UNK: variants seen among roughly 807,000 people sequenced by gnomAD.
UNK encodes the protein RING finger protein unkempt homolog.
Under a neutral mutation model 97.6 loss-of-function variants are expected in UNK, and 32 were observed. The ratio of observed to expected loss-of-function variants is 0.33; its 90% confidence interval spans 0.25 to 0.44. The LOEUF (loss-of-function observed/expected upper bound fraction) is 0.44, where lower values mean the gene tolerates loss of function less well. Ranked by LOEUF, UNK falls within the 20% of genes least tolerant of loss-of-function variation. UNK has a pLI of 1.00. For synonymous variants in UNK, 441 were observed against 461.2 expected (o/e 0.96, Z 0.56); for missense variants, 771 against 1,098.4 (o/e 0.70, Z 4.21).
chr17:75,813,362 G>A (rs964283290), intron 5 of UNK, 149 bp downstream of exon 5: 76 of 1,178,906 alleles, frequency 6.4e-5, no homozygotes, highest in South Asian at 4.8e-5. Context: ...GGAGGGCATA[G>A]TGAGGATAGC....
chr17:75,803,048 G>A (rs1014989483), intron 1 of UNK, among the ~76,000 whole-genome samples: 1 of 76,206 alleles, frequency 1.3e-5, no homozygotes, highest in African/African-American at 2.0e-4. Flanking sequence ...GGATCACGAG[G>A]TCAGGAGATT....
chr17:75,797,014 A>G (rs950420936), intron 1 of UNK, among the ~76,000 whole-genome samples: 2 of 152,204 alleles, frequency 1.3e-5, no homozygotes, highest in African/African-American at 4.8e-5. Context: ...CATGGAAAGC[A>G]GGAGATTATA....
intron 1 of UNK, among the ~76,000 whole-genome samples, chr17:75,799,241 G>A (rs542265632): frequency 2.0e-5 from 3 of 152,284 alleles, no homozygotes; most frequent in East Asian, 3.9e-4. Context: ...GAGCCTGGGA[G>A]GCTGCAGTGA....
chr17:75,796,893 T>C (rs1039250783), intron 1 of UNK, among the ~76,000 whole-genome samples: 3 of 152,180 alleles, frequency 2.0e-5, no homozygotes, highest in Admixed American at 1.3e-4. Context: ...AAACATACTT[T>C]ATTCTTAAAC....
intron 14 of UNK, 96 bp downstream of exon 14, chr17:75,822,754 G>A: frequency 2.2e-6 from 3 of 1,368,726 alleles, no homozygotes; most frequent in Non-Finnish European, 2.9e-6. Context: ...GGGGAAAGCG[G>A]GGGCTGGAAG....
In UNK at chr17:75,819,802, G is replaced by A; in HGVS notation, c.1648+17G>A. ...TCACCATCGGTACTGGGTGTGGGTG[G>A]GCAGGGCAGCCTGGAGGACTCCTCG... On this transcript the variant is annotated intron_variant, in intron 12 of 15. Coordinates refer to ENST00000589666, the MANE Select transcript of UNK (RefSeq NM_001080419.3). This position sits in a 1 kb window ranked among gnomAD's most constrained non-coding sequence, Gnocchi z 5.4. 1 of 1,613,518 alleles carries A rather than the reference G, an allele frequency of 6.2e-7. No homozygotes were observed. The highest frequency in any genetic ancestry group is 8.5e-7 in the Non-Finnish European group (1 of 1,179,774).
intron 5 of UNK, 61 bp from the exon 6 acceptor site, chr17:75,813,700 C>T (rs1375652308): frequency 4.1e-6 from 6 of 1,451,964 alleles, no homozygotes; most frequent in Non-Finnish European, 5.6e-6. Context: ...CAGGTGGCAC[C>T]TGCTAGGCTC....
Position 75,824,134 on chromosome 17 carries a change from G to A in UNK, c.2278-128G>A, listed in dbSNP as rs1599396115. 1 of 1,176,562 alleles carries A rather than the reference G, an allele frequency of 8.5e-7. No individual in the cohort carries two copies. Among genetic ancestry groups the A allele is most frequent in the African/African-American group, 1.6e-5 (1 of 61,788 alleles). The allele number at this position is 1,176,562 out of a possible 1,614,324, so 72.9% of individuals were successfully genotyped here. On this transcript the variant is annotated intron_variant, in intron 15 of 15. Transcript: ENST00000589666. This position sits in a 1 kb window ranked among gnomAD's most constrained non-coding sequence, Gnocchi z 4.9. ...CTCTCACCTGCCAACAGGGGTCTGG[G>A]AGCACACTGTTGAGCTCGGTACCTC...
rs114033396 is a variant in UNK, at chr17:75,790,518, G to T, written c.104+5534G>T. Among the ~76,000 whole-genome samples the T allele has an allele frequency of 5.9e-3, 893 of 152,064 alleles. 5 individuals carry two copies. Among genetic ancestry groups the T allele is most frequent in the African/African-American group, 0.018 (739 of 41,500 alleles). Reference sequence around the variant, plus strand: ...GTGGTGGTGTGCATCTGTGGTCCTGGATACTCAGGAGGCCGAGGTGGGAGG... The same window carrying T: ...GTGGTGGTGTGCATCTGTGGTCCTGTATACTCAGGAGGCCGAGGTGGGAGG... On this transcript the variant is annotated intron_variant, in intron 1 of 15. Coordinates refer to ENST00000589666, the MANE Select transcript of UNK (RefSeq NM_001080419.3).
chr17:75,799,985 C>A (rs1387197665), intron 1 of UNK, among the ~76,000 whole-genome samples: 1 of 152,132 alleles, frequency 6.6e-6, no homozygotes, highest in Non-Finnish European at 1.5e-5. Context: ...ACAAAAAAAC[C>A]CAAGTGTAGA....
chr17:75,801,852 C>CT (rs768109419), intron 1 of UNK, among the ~76,000 whole-genome samples: 1,455 of 136,478 alleles, frequency 0.011, 19 homozygotes, highest in Middle Eastern at 0.035. Context: ...TCCCCCCAGC[C>CT]TTTTTTTTTT....
At chr17:75,788,392 C>T (rs1441629047) in intron 1 of UNK, among the ~76,000 whole-genome samples, 2 of 152,162 alleles carry the variant, frequency 1.3e-5, no homozygotes, top group Admixed American at 6.5e-5. Flanking sequence ...GTTGGCCAGG[C>T]TGATCTCGAA....
In UNK at chr17:75,817,444, C is replaced by A; in HGVS notation, c.1223C>A (p.Ala408Asp). The change falls in exon 9 of 16, where the codon GCC (alanine) becomes GAC (aspartate). Residue 408 changes from alanine (A) to aspartate (D), a missense_variant. Coordinates refer to ENST00000589666, the MANE Select transcript of UNK (RefSeq NM_001080419.3). The surrounding 1 kb of genome is among the most constrained non-coding windows in gnomAD (Gnocchi z 5.8). ...GTCTTCCCTGGGGAGTCTGGCCTGG[C>A]CCCTGGCAGCTATAAGAAGGCTCCC... The part of the protein sequence containing the change: ...GIVFPGESGL[A>D]PGSYKKAPGF... 1 of 1,613,354 alleles carries A rather than the reference C, an allele frequency of 6.2e-7. No individual in the cohort carries two copies. The highest frequency in any genetic ancestry group is 1.7e-4 in the Middle Eastern group (1 of 5,924).
Position 75,819,584 on chromosome 17 carries a change from A to G in UNK, c.1547-100A>G, listed in dbSNP as rs1599389408. On this transcript the variant is annotated intron_variant, in intron 11 of 15. Coordinates refer to ENST00000589666, the MANE Select transcript of UNK (RefSeq NM_001080419.3). The surrounding 1 kb of genome is among the most constrained non-coding windows in gnomAD (Gnocchi z 5.4). ...CAGGGGCTTGGGAGAATACGGACCC[A>G]GCGTAGCATGGGCGTGAAGATGCAG... The G allele has an allele frequency of 1.8e-6, 2 of 1,113,684 alleles. No homozygotes were observed. Among genetic ancestry groups the G allele is most frequent in the Admixed American group, 3.6e-5 (2 of 54,942 alleles). The allele number at this position is 1,113,684 out of a possible 1,614,324, so 69.0% of individuals were successfully genotyped here.
intron 1 of UNK, among the ~76,000 whole-genome samples, chr17:75,805,809 A>AGT (rs1567800919): frequency 1.0e-5 from 1 of 96,492 alleles, no homozygotes; most frequent in South Asian, 2.8e-4. Context: ...TAAAAAGAAA[A>AGT]ATGTGTGTGT....
At chr17:75,813,509 A>T (rs1185073764) in intron 5 of UNK, among the ~76,000 whole-genome samples, 1 of 152,180 alleles carries the variant, frequency 6.6e-6, no homozygotes, top group South Asian at 2.1e-4. Context: ...GTGTGGTTGT[A>T]GCTCCAGCCT....
At chr17:75,799,072 A>C (rs1243598439) in intron 1 of UNK, among the ~76,000 whole-genome samples, 2 of 138,772 alleles carry the variant, frequency 1.4e-5, no homozygotes, top group African/African-American at 5.4e-5. Context: ...TCTCAAAAAC[A>C]AAAAAAAAAA....
chr17:75,798,273 C>T (rs4789227), intron 1 of UNK, among the ~76,000 whole-genome samples: 77,269 of 151,754 alleles, frequency 0.51, 23,643 homozygotes, highest in South Asian at 0.66. Context: ...GGTTTCGCCA[C>T]GTTGGCCAGG....
At chr17:75,785,291 A>C in intron 1 of UNK, 10 of 296,922 alleles carry the variant, frequency 3.4e-5, no homozygotes, top group East Asian at 8.3e-5. Flanking sequence ...AGACCATAAA[A>C]CCACAGTAGT....
Sources: allele counts gnomAD v4.1 joint callset (sites outside exome capture counted in the v4.1 genomes callset), GRCh38; gene constraint gnomAD v4.1.1; non-coding constraint Gnocchi (gnomAD v3.1); transcripts MANE v1.5; gene names NCBI Gene and HGNC (gene_info 2026-07-23, HGNC 2026-07-21).